The following SCEL variants were observed in gnomAD, a reference collection of about 807,000 sequenced individuals.
SCEL encodes the protein sciellin.
A neutral mutation model predicts 117.6 loss-of-function variants in SCEL; 113 were observed. The ratio of observed to expected loss-of-function variants is 0.96; its 90% CI spans 0.83 to 1.12. SCEL has a LOEUF of 1.12. Among genes scored for constraint, SCEL ranks in the 50% most tolerant of loss-of-function variants. SCEL has a pLI of 0.00. For missense variants in SCEL, 785 were observed against 810.8 expected, an observed-to-expected ratio of 0.97 and a Z score of 0.39; for synonymous variants, 270 against 256.2, an observed-to-expected ratio of 1.05 and a Z score of -0.51.
At chr13:77,639,014 A>G (rs1267624310) in intron 30 of SCEL, among the ~76,000 whole-genome samples, 2 of 152,084 alleles carry the variant, frequency 1.3e-5, no homozygotes, top group African/African-American at 4.8e-5. Context: ...CAGTCTGTCC[A>G]CGTACCTGTA....
intron 28 of SCEL, among the ~76,000 whole-genome samples, chr13:77,628,290 C>A (rs577057778): frequency 6.6e-6 from 1 of 151,676 alleles, no homozygotes; most frequent in South Asian, 2.1e-4. Flanking sequence ...GCCTGCTGTT[C>A]TATTGCTTAG....
chr13:77,564,179 A>G (rs1232014448), intron 5 of SCEL, among the ~76,000 whole-genome samples: 2 of 148,332 alleles, frequency 1.3e-5, no homozygotes, highest in Non-Finnish European at 3.0e-5. Flanking sequence ...AGAATCTGTT[A>G]GTTCAATATA....
intron 1 of SCEL, among the ~76,000 whole-genome samples, chr13:77,548,161 A>C (rs543709041): frequency 6.6e-6 from 1 of 152,330 alleles, no homozygotes; most frequent in South Asian, 2.1e-4. Flanking sequence ...ATAATTTACA[A>C]AGCATTATCT....
intron 24 of SCEL, 118 bp downstream of exon 24, chr13:77,614,073 G>T: frequency 2.3e-6 from 2 of 858,958 alleles, no homozygotes; most frequent in Non-Finnish European, 1.9e-6. Flanking sequence ...ATCATCACAG[G>T]TGGAAACCTA....
At chr13:77,615,949 A>G (rs2088987899) in intron 24 of SCEL, among the ~76,000 whole-genome samples, 1 of 151,914 alleles carries the variant, frequency 6.6e-6, no homozygotes, top group African/African-American at 2.4e-5. Flanking sequence ...AACTGAATAG[A>G]AAATATGAGA....
At chr13:77,552,704 T>C (rs1261145161) in intron 1 of SCEL, among the ~76,000 whole-genome samples, 1 of 152,228 alleles carries the variant, frequency 6.6e-6, no homozygotes, top group African/African-American at 2.4e-5. Context: ...TTTAATTAGA[T>C]CCCATTTGTC....
At chr13:77,606,341 T>C (rs2088185731) in intron 19 of SCEL, 1 of 152,226 alleles carries the variant, frequency 6.6e-6, no homozygotes, top group Admixed American at 6.5e-5. Context: ...GTAGTCCTTA[T>C]GGACTCTATG....
intron 9 of SCEL, among the ~76,000 whole-genome samples, chr13:77,578,045 A>G (rs185240743): frequency 1.2e-3 from 177 of 152,266 alleles, no homozygotes; most frequent in African/African-American, 3.7e-3. Context: ...CTACTTTTTA[A>G]AATTAAATTT....
chr13:77,629,360 C>T (rs563879086), intron 28 of SCEL, among the ~76,000 whole-genome samples: 3 of 144,582 alleles, frequency 2.1e-5, no homozygotes, highest in African/African-American at 7.8e-5. Flanking sequence ...ATTCTCTGCT[C>T]TTCTGTTTGA....
intron 15 of SCEL, among the ~76,000 whole-genome samples, chr13:77,601,086 T>A (rs2087642888): frequency 6.6e-6 from 1 of 150,864 alleles, no homozygotes; most frequent in East Asian, 2.0e-4. Flanking sequence ...TTTAAAAATG[T>A]GGAATAGATG....
intron 30 of SCEL, among the ~76,000 whole-genome samples, chr13:77,639,477 T>G (rs2090458039): frequency 1.3e-5 from 2 of 152,198 alleles, no homozygotes; most frequent in South Asian, 4.1e-4. Flanking sequence ...TCTCTGCTCC[T>G]ACTTCTGGGC....
Position 77,569,378 on chromosome 13 carries a change from G to A in SCEL, c.406G>A (p.Gly136Ser). Reference protein sequence around the residue: ...RSLEVTKLQPGGSLNANTSNT... With the variant: ...RSLEVTKLQPSGSLNANTSNT... ...GTTCTTGTCATTAAACAGGCAACCT[G>A]GCGGTTCATTGAATGCCAACACCTC... The change falls in exon 8 of 33, where the codon GGC becomes AGC. Residue 136 changes from glycine (G) to serine (S), a missense_variant. By Grantham distance (56) the Gly-to-Ser change is moderately conservative. Transcript: ENST00000349847. The A allele has an allele frequency of 1.2e-6, 2 of 1,613,420 alleles. No individual in the cohort carries two copies. The highest frequency in any genetic ancestry group is 1.7e-6 in the Non-Finnish European group (2 of 1,179,410).
intron 9 of SCEL, among the ~76,000 whole-genome samples, chr13:77,579,093 C>G (rs75667404): frequency 6.6e-6 from 1 of 152,026 alleles, no homozygotes; most frequent in Non-Finnish European, 1.5e-5. Context: ...CAGTGTGGGT[C>G]GATGGATTCT....
At chr13:77,608,858 G>A (rs962849653) in intron 20 of SCEL, among the ~76,000 whole-genome samples, 200 bp from the exon 21 acceptor site, 5 of 152,080 alleles carry the variant, frequency 3.3e-5, no homozygotes, top group Admixed American at 3.3e-4. Flanking sequence ...GGGGGTAAAT[G>A]AGAAACTACG....
intron 8 of SCEL, among the ~76,000 whole-genome samples, chr13:77,571,588 C>T (rs1036490104): frequency 6.4e-4 from 97 of 151,592 alleles, no homozygotes; most frequent in Admixed American, 7.2e-4. Flanking sequence ...ACTCAGGAGG[C>T]TGAGGCAGGA....
At chr13:77,596,494 T>C (rs2154400817) in intron 12 of SCEL, among the ~76,000 whole-genome samples, 1 of 152,192 alleles carries the variant, frequency 6.6e-6, no homozygotes, top group South Asian at 2.1e-4. Context: ...CTGAGGTGGG[T>C]ATGATTAGTA....
intron 18 of SCEL, among the ~76,000 whole-genome samples, chr13:77,603,987 T>C (rs1370338072): frequency 6.6e-6 from 1 of 150,616 alleles, no homozygotes; most frequent in African/African-American, 2.5e-5. Context: ...TGAGTAGAAA[T>C]TTATACTGTC....
Position 77,593,300 on chromosome 13 carries a change from G to GTGCGCGCGTC in SCEL, c.693-212_693-211insCGCGCGTCTG, listed in dbSNP as rs1555510800. ...TGTGTGTGTGTGTGTGTGTGTGTCT[G>GTGCGCGCGTC]TGTGTGTGTGTGTGTGTGTCAGTGG... On this transcript the variant is annotated intron_variant, in intron 11 of 32. Coordinates refer to ENST00000349847, the MANE Select transcript of SCEL (RefSeq NM_144777.3). Among the ~76,000 whole-genome samples the GTGCGCGCGTC allele has an allele frequency of 6.2e-3, 900 of 145,166 alleles. 5 individuals carry two copies. The highest frequency in any genetic ancestry group is 8.4e-3 in the Non-Finnish European group (553 of 65,550).
chr13:77,550,502 C>G (rs1260937222), intron 1 of SCEL, among the ~76,000 whole-genome samples: 1 of 151,534 alleles, frequency 6.6e-6, no homozygotes, highest in East Asian at 1.9e-4. Context: ...AACCCCATTC[C>G]CTTTAGCAGT....
Sources: allele counts gnomAD v4.1 joint callset (sites outside exome capture counted in the v4.1 genomes callset), GRCh38; gene constraint gnomAD v4.1.1; transcripts MANE v1.5; gene names NCBI Gene and HGNC (gene_info 2026-07-23, HGNC 2026-07-21).